The following DOK6 variants were observed in gnomAD, a reference collection of about 807,000 sequenced individuals.
The protein encoded by DOK6 is downstream of tyrosine kinase 6.
Under a neutral mutation model 44.0 loss-of-function variants are expected in DOK6, and 22 were observed. The ratio of observed to expected loss-of-function variants is 0.50; its 90% CI spans 0.36 to 0.71. The LOEUF is 0.71. DOK6 is among the 30% of genes least tolerant of loss of function. DOK6 has a pLI of 0.00. For missense variants in DOK6, 340 were observed against 416.4 expected (o/e 0.82, Z 1.60); for synonymous variants, 166 against 145.5 (o/e 1.14, Z -1.01).
rs1003489646 is a variant in DOK6, at chr18:69,826,278, C to G, written c.857-14966C>G. Among the ~76,000 whole-genome samples, 19 of 152,324 alleles carry G rather than the reference C, an allele frequency of 1.2e-4. No homozygotes were observed. The East Asian group carries it at 2.7e-3, about 22-fold the overall frequency. On this transcript the variant is annotated intron_variant, in intron 7 of 7. Coordinates refer to ENST00000382713, the MANE Select transcript of DOK6 (RefSeq NM_152721.6). Reference sequence around the variant, plus strand: ...TAGGACTGGCCTTGGCATCTGTACTCTCAGCCTTTTCCATATCCTGCAGGT... The same window carrying G: ...TAGGACTGGCCTTGGCATCTGTACTGTCAGCCTTTTCCATATCCTGCAGGT...
intron 4 of DOK6, among the ~76,000 whole-genome samples, chr18:69,685,086 A>C (rs1986122283): frequency 6.6e-6 from 1 of 152,198 alleles, no homozygotes; most frequent in South Asian, 2.1e-4. Flanking sequence ...GAATAACAAC[A>C]ACAAAAAAAT....
At position 69,843,690 on chromosome 18, in the gene DOK6, G is replaced by A. The variant is rs1008758668; in HGVS notation, c.*2307G>A. 2 of 152,218 alleles carry A rather than the reference G, an allele frequency of 1.3e-5. No homozygotes were observed. Among genetic ancestry groups the A allele is most frequent in the Non-Finnish European group, 2.9e-5 (2 of 68,042 alleles). 9.4% of individuals were successfully genotyped at this position (152,218 alleles called of 1,614,324 possible). On this transcript the variant is annotated 3_prime_UTR_variant, in exon 8 of 8. Coordinates refer to ENST00000382713, the MANE Select transcript of DOK6 (RefSeq NM_152721.6). The stretch of plus-strand genomic sequence containing the variant: ...CCATTTGGTTCTGATCATTACCAAT[G>A]AATATAACTGAAGGAGCACCAAAGA...
chr18:69,701,857 G>C (rs1184912370), intron 5 of DOK6, among the ~76,000 whole-genome samples: 1 of 152,174 alleles, frequency 6.6e-6, no homozygotes, highest in Middle Eastern at 3.2e-3. Context: ...TAAGGATTCT[G>C]TGATGTCATA....
intron 1 of DOK6, among the ~76,000 whole-genome samples, chr18:69,500,829 T>C (rs1981028432): frequency 6.6e-6 from 1 of 152,108 alleles, no homozygotes; most frequent in Non-Finnish European, 1.5e-5. Flanking sequence ...TATTTTAGAG[T>C]TTGTGTAAGG....
chr18:69,496,790 C>A (rs147646051), intron 1 of DOK6, among the ~76,000 whole-genome samples: 1 of 152,150 alleles, frequency 6.6e-6, no homozygotes, highest in African/African-American at 2.4e-5. Context: ...TGCTTCCTCA[C>A]AGAATGTGAG....
At position 69,507,383 on chromosome 18, in the gene DOK6, T is replaced by C. The variant is rs367799079; in HGVS notation, c.67-57104T>C. On this transcript the variant is annotated intron_variant, in intron 1 of 7. Transcript: ENST00000382713. The stretch of plus-strand genomic sequence containing the variant: ...TCTAGTAGTCCAAGTTTCTCAATAT[T>C]GTTCTTTTTAAAAATTGTTTTGCCT... 5.3e-5 allele frequency among the ~76,000 whole-genome samples: 8 copies of C among 152,154 alleles called. No homozygotes were observed. The East Asian group carries it at 9.6e-4, about 18-fold the overall frequency.
intron 1 of DOK6, among the ~76,000 whole-genome samples, chr18:69,563,111 A>C (rs540431653): frequency 8.4e-4 from 128 of 152,348 alleles, no homozygotes; most frequent in Middle Eastern, 3.4e-3. Context: ...ATACCATCTC[A>C]CACCACTTAG....
At chr18:69,638,508 A>G (rs903751790) in intron 3 of DOK6, among the ~76,000 whole-genome samples, 3 of 148,818 alleles carry the variant, frequency 2.0e-5, no homozygotes, top group African/African-American at 7.4e-5. Context: ...TTGTAATATT[A>G]GAAAACCACA....
At chr18:69,711,652 A>G (rs1599278433) in intron 5 of DOK6, among the ~76,000 whole-genome samples, 1 of 152,292 alleles carries the variant, frequency 6.6e-6, no homozygotes, top group South Asian at 2.1e-4. Flanking sequence ...AATACTCCTC[A>G]GGGCATCACA....
At chr18:69,433,394 G>A (rs1978860729) in intron 1 of DOK6, among the ~76,000 whole-genome samples, 1 of 152,112 alleles carries the variant, frequency 6.6e-6, no homozygotes, top group Non-Finnish European at 1.5e-5. Flanking sequence ...AATAGAAATA[G>A]CAGGAAAATT....
intron 3 of DOK6, among the ~76,000 whole-genome samples, chr18:69,657,934 G>C (rs769598722): frequency 2.0e-5 from 3 of 151,828 alleles, no homozygotes; most frequent in Non-Finnish European, 2.9e-5. Context: ...TGTTGTTGTT[G>C]CTGTTGTTGT....
chr18:69,459,052 C>CGCCTCAT (rs1979708721), intron 1 of DOK6, among the ~76,000 whole-genome samples: 1 of 151,022 alleles, frequency 6.6e-6, no homozygotes, highest in Admixed American at 6.6e-5. Flanking sequence ...GCTGACATCA[C>CGCCTCAT]GCCACTGCAC....
intron 1 of DOK6, among the ~76,000 whole-genome samples, chr18:69,507,881 G>A (rs548401474): frequency 6.6e-6 from 1 of 152,118 alleles, no homozygotes; most frequent in Admixed American, 6.5e-5. Flanking sequence ...ACTGGATGCA[G>A]TCAGTGCAAC....
At chr18:69,580,244 CTTCT>C (rs1983335753) in intron 2 of DOK6, among the ~76,000 whole-genome samples, 1 of 152,108 alleles carries the variant, frequency 6.6e-6, no homozygotes. Context: ...TTCAAAGCTC[CTTCT>C]GTTGTTGACA....
At position 69,423,830 on chromosome 18, in the gene DOK6, G is replaced by T. The variant is rs989826282; in HGVS notation, c.66+22520G>T. 2.6e-4 allele frequency among the ~76,000 whole-genome samples: 40 copies of T among 152,134 alleles called. No homozygotes were observed. The East Asian group carries it at 6.2e-3, about 24-fold the overall frequency. ...TTGCTGTGTTTCAGATTTTAAAAAA[G>T]AAATAAAATGAATATAATTGAGGCC... On this transcript the variant is annotated intron_variant, in intron 1 of 7. Transcript: ENST00000382713.
intron 1 of DOK6, among the ~76,000 whole-genome samples, chr18:69,447,147 G>C (rs1979318480): frequency 6.6e-6 from 1 of 152,144 alleles, no homozygotes; most frequent in Admixed American, 6.5e-5. Flanking sequence ...TGTCCTGAAT[G>C]GTATTGCCTA....
intron 1 of DOK6, among the ~76,000 whole-genome samples, chr18:69,482,853 AT>A (rs1980468443): frequency 6.6e-6 from 1 of 151,986 alleles, no homozygotes; most frequent in Non-Finnish European, 1.5e-5. Flanking sequence ...AATTTACTAA[AT>A]GCTGTTCTTT....
chr18:69,507,359 C>A (rs895006336), intron 1 of DOK6, among the ~76,000 whole-genome samples: 1 of 151,968 alleles, frequency 6.6e-6, no homozygotes, highest in Non-Finnish European at 1.5e-5. Flanking sequence ...GTCTTAATAT[C>A]TAGTAGTCCA....
In DOK6 at chr18:69,634,065, TC is replaced by T. The variant is rs201806208; in HGVS notation, c.289+34568del. 4.0e-3 allele frequency among the ~76,000 whole-genome samples: 582 copies of T among 147,306 alleles called. 2 individuals are homozygous for T. The highest frequency in any genetic ancestry group is 0.014 in the African/African-American group (548 of 40,202). The stretch of plus-strand genomic sequence containing the variant: ...GAATATAAGAAAGTTATCTCCCAAA[TC>T]AAAAAAAAAAAAGTACAAAATGGTT... On this transcript the variant is annotated intron_variant, in intron 3 of 7. Coordinates refer to ENST00000382713, the MANE Select transcript of DOK6 (RefSeq NM_152721.6).
Sources: allele counts gnomAD v4.1 joint callset (sites outside exome capture counted in the v4.1 genomes callset), GRCh38; gene constraint gnomAD v4.1.1; transcripts MANE v1.5; gene names NCBI Gene and HGNC (gene_info 2026-07-23, HGNC 2026-07-21).